The following EIF4G3 variants were observed in gnomAD, a reference collection of about 807,000 sequenced individuals.
EIF4G3 encodes eukaryotic translation initiation factor 4 gamma 3, also known as eIF-4-gamma 3.
Under a neutral mutation model 186.4 loss-of-function variants are expected in EIF4G3, and 34 were observed. The ratio of observed to expected loss-of-function variants is 0.18; its 90% confidence interval spans 0.14 to 0.24. EIF4G3 has a LOEUF of 0.24. EIF4G3 is among the 10% of genes least tolerant of loss of function. The pLI, the probability that EIF4G3 is intolerant of heterozygous loss-of-function variation, is 1.00. For synonymous variants in EIF4G3, 673 were observed against 679.5 expected (o/e 0.99, Z 0.15); for missense variants, 1,536 against 1,948.5 (o/e 0.79, Z 3.99).
At chr1:21,048,220 C>G (rs1268208099) in intron 4 of EIF4G3, among the ~76,000 whole-genome samples, 4 of 152,100 alleles carry the variant, frequency 2.6e-5, no homozygotes, top group Non-Finnish European at 5.9e-5. Flanking sequence ...GTCCTTTGGG[C>G]CAACTGCTTG....
intron 2 of EIF4G3, among the ~76,000 whole-genome samples, chr1:21,101,688 A>G (rs1013404034): frequency 6.6e-6 from 1 of 151,972 alleles, no homozygotes; most frequent in Admixed American, 6.6e-5. Flanking sequence ...CCAACTTTAA[A>G]TCAATGTAAT....
At chr1:20,825,830 T>C (rs1216090082) in intron 32 of EIF4G3, among the ~76,000 whole-genome samples, 3 of 152,166 alleles carry the variant, frequency 2.0e-5, no homozygotes, top group African/African-American at 7.2e-5. Flanking sequence ...TGAGAAGTGT[T>C]TCAAGGGCAA....
chr1:20,956,634 AAAAC>A (rs942892914), intron 12 of EIF4G3, among the ~76,000 whole-genome samples: 2 of 151,546 alleles, frequency 1.3e-5, no homozygotes, highest in African/African-American at 4.9e-5. Context: ...AAAAAAAAAA[AAAAC>A]AAGGAGAGCA....
At chr1:20,870,986 TG>T (rs2079041382) in intron 20 of EIF4G3, among the ~76,000 whole-genome samples, 7 of 152,196 alleles carry the variant, frequency 4.6e-5, no homozygotes, top group Non-Finnish European at 1.0e-4. Flanking sequence ...TGTATGTGTG[TG>T]TATACAGTAC....
At chr1:20,814,386 G>T (rs888538550) in intron 34 of EIF4G3, among the ~76,000 whole-genome samples, 3 of 152,070 alleles carry the variant, frequency 2.0e-5, no homozygotes, top group Non-Finnish European at 4.4e-5. Context: ...ACTTTTCAGG[G>T]TCCTTCCCAC....
At position 21,132,983 on chromosome 1, in the gene EIF4G3, C is replaced by T. The variant is rs148222277; in HGVS notation, c.-272+43192G>A. ...TTTTTAGTAGAGATGGGGATTTCAC[C>T]ATGTTGTCCAGGCTAGTCTTGAACT... On this transcript the variant is annotated intron_variant, in intron 2 of 36. Transcript: ENST00000602326. Among the ~76,000 whole-genome samples the T allele has an allele frequency of 1.5e-4, 23 of 151,458 alleles. No individual in the cohort carries two copies. The East Asian group carries it at 4.3e-3, about 28-fold the overall frequency.
chr1:20,952,045 C>T (rs1368463478), intron 12 of EIF4G3, among the ~76,000 whole-genome samples: 3 of 152,102 alleles, frequency 2.0e-5, no homozygotes, highest in African/African-American at 7.2e-5. Context: ...TCAGGTCTCA[C>T]AGCTATGAAA....
chr1:20,854,666 C>T (rs969515419), intron 26 of EIF4G3, among the ~76,000 whole-genome samples: 1 of 151,412 alleles, frequency 6.6e-6, no homozygotes, highest in Non-Finnish European at 1.5e-5. Flanking sequence ...GATCATGCCA[C>T]TACACTCCAG....
At chr1:21,063,725 G>T (rs1283631514) in intron 3 of EIF4G3, among the ~76,000 whole-genome samples, 1 of 124,256 alleles carries the variant, frequency 8.0e-6, no homozygotes, top group African/African-American at 2.9e-5. Context: ...GGTGTTGGGG[G>T]GGGGGACGCA....
At chr1:21,131,414 A>C (rs1481904077) in intron 2 of EIF4G3, among the ~76,000 whole-genome samples, 2 of 151,600 alleles carry the variant, frequency 1.3e-5, no homozygotes, top group African/African-American at 4.8e-5. Flanking sequence ...GAGACTAAAA[A>C]AAAGAAATAC....
intron 4 of EIF4G3, among the ~76,000 whole-genome samples, chr1:21,020,814 T>C (rs2090500502): frequency 6.6e-6 from 1 of 151,562 alleles, no homozygotes; most frequent in Non-Finnish European, 1.5e-5. Context: ...AATAAAAGAG[T>C]GTAAGCTTAA....
intron 2 of EIF4G3, among the ~76,000 whole-genome samples, chr1:21,164,175 G>C (rs1170896214): frequency 2.0e-5 from 3 of 152,028 alleles, no homozygotes; most frequent in Non-Finnish European, 4.4e-5. Context: ...CTAACACTAT[G>C]CAAAATCCAA....
intron 29 of EIF4G3, among the ~76,000 whole-genome samples, chr1:20,846,738 G>C (rs1318994030): frequency 1.3e-5 from 2 of 152,158 alleles, no homozygotes; most frequent in African/African-American, 4.8e-5. Context: ...ATAGCATAGA[G>C]GCTAAAACAT....
Position 20,892,623 on chromosome 1 carries a change from A to G in EIF4G3, c.2253+894T>C, listed in dbSNP as rs927375111. 31 of 1,531,408 alleles carry G rather than the reference A, an allele frequency of 2.0e-5. No homozygotes were observed. The highest frequency in any genetic ancestry group is 2.0e-5 in the Admixed American group (1 of 50,972). 94.9% of individuals were successfully genotyped at this position (1,531,408 alleles called of 1,614,324 possible). A position where few individuals can be genotyped will look rare whatever the true frequency, so the allele number is the denominator to read the frequency against. ...AAAACAAAGTGTTCAGCGCACCCCT[A>G]GAGGCAGGCTCTTCATGGGTGGGTG... On this transcript the variant is annotated intron_variant, in intron 18 of 36. Coordinates refer to ENST00000602326, the MANE Select transcript of EIF4G3 (RefSeq NM_001391906.1).
intron 27 of EIF4G3, among the ~76,000 whole-genome samples, chr1:20,853,237 GTTCT>G (rs1341867064): frequency 3.9e-5 from 6 of 152,160 alleles, no homozygotes. Context: ...GGATTGTCAT[GTTCT>G]TTAATTCCCA....
intron 24 of EIF4G3, among the ~76,000 whole-genome samples, chr1:20,858,935 G>A (rs2075721319): frequency 2.6e-5 from 4 of 152,234 alleles, no homozygotes; most frequent in Admixed American, 2.6e-4. Flanking sequence ...GGCGGAGGTT[G>A]CAGTGAGCCG....
intron 3 of EIF4G3, among the ~76,000 whole-genome samples, chr1:21,060,193 G>A (rs767261624): frequency 5.3e-5 from 8 of 152,140 alleles, no homozygotes; most frequent in Non-Finnish European, 1.0e-4. Context: ...CAAGGGGTCC[G>A]CCTGCCTTGG....
At chr1:20,966,206 T>C (rs2074614152) in intron 12 of EIF4G3, among the ~76,000 whole-genome samples, 1 of 152,202 alleles carries the variant, frequency 6.6e-6, no homozygotes, top group South Asian at 2.1e-4. Context: ...GCAGGTACTT[T>C]AAGGCCAATA....
intron 29 of EIF4G3, among the ~76,000 whole-genome samples, chr1:20,848,343 T>C (rs1209043815): frequency 6.6e-6 from 1 of 152,212 alleles, no homozygotes; most frequent in African/African-American, 2.4e-5. Context: ...ATCTGACAAA[T>C]ACTTTAACAG....
Sources: gnomAD v4.1 joint callset for allele counts (sites outside exome capture counted in the v4.1 genomes callset) on GRCh38, gnomAD v4.1.1 for gene constraint, MANE v1.5 for transcripts, NCBI Gene and HGNC (gene_info 2026-07-23, HGNC 2026-07-21) for gene names.